The following ADTRP variants were observed in gnomAD, a reference collection of about 807,000 sequenced individuals.
The protein encoded by ADTRP is androgen-dependent TFPI-regulating protein.
In ADTRP, 20 loss-of-function variants were observed where a neutral mutation model predicts 27.0. That is an observed-to-expected ratio of 0.74 (90% CI 0.52 to 1.08). ADTRP has a LOEUF of 1.08. ADTRP is among the 50% of genes least tolerant of loss of function. The pLI, the probability that ADTRP is intolerant of heterozygous loss-of-function variation, is 0.00. For missense variants in ADTRP, 251 were observed against 275.0 expected (o/e 0.91, Z 0.62); for synonymous variants, 101 against 105.2 (o/e 0.96, Z 0.25).
intron 1 of ADTRP, among the ~76,000 whole-genome samples, chr6:11,771,042 C>A (rs907185663): frequency 6.6e-6 from 1 of 152,242 alleles, no homozygotes; most frequent in Non-Finnish European, 1.5e-5. Context: ...TTCCTAGAGT[C>A]ATCGTGAGTC....
chr6:11,741,634 A>G lies in ADTRP; in HGVS notation c.391-5951T>C, dbSNP rs188946653. On this transcript the variant is annotated intron_variant, in intron 3 of 5. Coordinates refer to ENST00000414691, the MANE Select transcript of ADTRP (RefSeq NM_032744.4). ...GACCAATATCTCAAAGCATCATTCTATTACAAAACTAGTTGGCTTTGAAGG... is the reference window on the plus strand; with the variant it reads ...GACCAATATCTCAAAGCATCATTCTGTTACAAAACTAGTTGGCTTTGAAGG... 2.6e-5 allele frequency among the ~76,000 whole-genome samples: 4 copies of G among 152,190 alleles called. No homozygotes were observed. The East Asian group carries it at 7.7e-4, about 29-fold the overall frequency.
intron 3 of ADTRP, among the ~76,000 whole-genome samples, chr6:11,751,602 C>G (rs1275588268): frequency 6.6e-6 from 1 of 152,112 alleles, no homozygotes; most frequent in East Asian, 1.9e-4. Flanking sequence ...AGCATTTTAG[C>G]TCATTTTGGG....
chr6:11,760,040 A>G (rs955266389), intron 3 of ADTRP, among the ~76,000 whole-genome samples: 3 of 152,226 alleles, frequency 2.0e-5, no homozygotes, highest in Non-Finnish European at 4.4e-5. Flanking sequence ...ATTTCCTCCC[A>G]TACAATCCAT....
At chr6:11,746,723 T>C (rs936847278) in intron 3 of ADTRP, among the ~76,000 whole-genome samples, 5 of 152,212 alleles carry the variant, frequency 3.3e-5, no homozygotes, top group Non-Finnish European at 7.3e-5. Context: ...TATTCAGGCA[T>C]GAGCACCAAA....
chr6:11,731,978 C>T (rs2113893837), intron 4 of ADTRP, among the ~76,000 whole-genome samples: 1 of 152,214 alleles, frequency 6.6e-6, no homozygotes, highest in East Asian at 1.9e-4. Flanking sequence ...TTTTGCTCCT[C>T]ACCACTGCCT....
At chr6:11,762,894 G>A (rs1050379916) in intron 3 of ADTRP, among the ~76,000 whole-genome samples, 1 of 152,204 alleles carries the variant, frequency 6.6e-6, no homozygotes, top group African/African-American at 2.4e-5. Flanking sequence ...CTCAGTTACT[G>A]AGAGTCCTCT....
chr6:11,761,221 C>T (rs1406010770), intron 3 of ADTRP, among the ~76,000 whole-genome samples: 1 of 152,156 alleles, frequency 6.6e-6, no homozygotes, highest in African/African-American at 2.4e-5. Context: ...CCATAATTTC[C>T]CTGTACGCTA....
In ADTRP at chr6:11,778,693, A is replaced by G. The variant is rs373658886; in HGVS notation, c.67T>C (p.Tyr23His). The change falls in exon 1 of 6, where the codon TAC (tyrosine) becomes CAC (histidine). Residue 23 changes from tyrosine (Y) to histidine (H), a missense_variant. Physicochemically the swap from Tyr to His is moderately conservative, Grantham distance 83. Coordinates refer to ENST00000414691, the MANE Select transcript of ADTRP (RefSeq NM_032744.4). Reference protein sequence around the residue: ...VLSWYTFLNYYISQEGKDEVK... With the variant: ...VLSWYTFLNYHISQEGKDEVK... Reference sequence around the variant, plus strand: ...TCGTCTTTTCCTTCCTGTGAGATGTAATAATTGAGGAAAGTATACCAGCTC... The same window carrying G: ...TCGTCTTTTCCTTCCTGTGAGATGTGATAATTGAGGAAAGTATACCAGCTC... 5.1e-5 allele frequency: 83 copies of G among 1,614,082 alleles called. No homozygotes were observed. Among genetic ancestry groups the G allele is most frequent in the Admixed American group, 2.2e-4 (13 of 60,008 alleles).
Position 11,778,731 on chromosome 6 carries a change from T to C in ADTRP, c.29A>G (p.His10Arg), listed in dbSNP as rs535612427. 7.4e-6 allele frequency: 12 copies of C among 1,614,134 alleles called. No homozygotes were observed. The East Asian group carries it at 2.2e-4, about 30-fold the overall frequency. Residue 10 changes from histidine to arginine, a missense_variant, in exon 1 of 6, where the codon CAC becomes CGC. Physicochemically the swap from His to Arg is conservative, Grantham distance 29 (BLOSUM62 0). Coordinates refer to ENST00000414691, the MANE Select transcript of ADTRP (RefSeq NM_032744.4). The part of the protein sequence containing the change: MTKTSTCIY[H>R]FLVLSWYTFL... ...AGTATACCAGCTCAGAACAAGGAAG[T>C]GGTATATGCATGTAGAAGTCTTCGT...
At chr6:11,721,394 C>T (rs1762021506) in intron 5 of ADTRP, among the ~76,000 whole-genome samples, 2 of 152,118 alleles carry the variant, frequency 1.3e-5, no homozygotes, top group South Asian at 4.1e-4. Context: ...TTGGGGGAAG[C>T]CTTAGAAAGT....
chr6:11,772,569 G>A (rs1322955980), intron 1 of ADTRP, among the ~76,000 whole-genome samples: 1 of 152,200 alleles, frequency 6.6e-6, no homozygotes, highest in African/African-American at 2.4e-5. Context: ...GACATTACAA[G>A]TCTTATTGGA....
intron 3 of ADTRP, among the ~76,000 whole-genome samples, chr6:11,755,859 C>T (rs1284448070): frequency 6.6e-6 from 1 of 152,176 alleles, no homozygotes; most frequent in Non-Finnish European, 1.5e-5. Context: ...TATTTCTGCT[C>T]GGGAGCTTTG....
chr6:11,722,798 C>G (rs191156460), intron 5 of ADTRP, among the ~76,000 whole-genome samples: 1 of 152,200 alleles, frequency 6.6e-6, no homozygotes, highest in Admixed American at 6.5e-5. Context: ...GCTGAAGACT[C>G]TGTCTGAATG....
At chr6:11,764,871 G>A (rs1763506650) in intron 3 of ADTRP, among the ~76,000 whole-genome samples, 1 of 136,628 alleles carries the variant, frequency 7.3e-6, no homozygotes. Flanking sequence ...AACATGCTTT[G>A]GACAATATAA....
At chr6:11,757,053 C>T (rs1371395132) in intron 3 of ADTRP, among the ~76,000 whole-genome samples, 1 of 152,176 alleles carries the variant, frequency 6.6e-6, no homozygotes, top group South Asian at 2.1e-4. Context: ...ATTAACAGAA[C>T]CAAAATGGGC....
chr6:11,765,441 C>A (rs572633529), intron 3 of ADTRP, among the ~76,000 whole-genome samples: 3 of 150,322 alleles, frequency 2.0e-5, no homozygotes, highest in African/African-American at 7.3e-5. Context: ...GATTCTCCTG[C>A]CTCAGCCTCC....
At chr6:11,765,278 TGAG>T (rs1004066253) in intron 3 of ADTRP, among the ~76,000 whole-genome samples, 15 of 151,290 alleles carry the variant, frequency 9.9e-5, no homozygotes, top group African/African-American at 3.6e-4. Context: ...AGTGAACTTT[TGAG>T]GAGTCTTGAC....
rs576075644 is a variant in ADTRP at position 11,742,492 on chromosome 6, C to T, written c.391-6809G>A. On this transcript the variant is annotated intron_variant, in intron 3 of 5. Coordinates refer to ENST00000414691, the MANE Select transcript of ADTRP (RefSeq NM_032744.4). ...TTACTGGGCTTCTATTGTTGAGATT[C>T]AAGTTTAGCAATATGTTCCCAGACA... Among the ~76,000 whole-genome samples, 7 of 152,266 alleles carry T rather than the reference C, an allele frequency of 4.6e-5. No individual in the cohort carries two copies. The East Asian group carries it at 1.3e-3, about 29-fold the overall frequency.
intron 3 of ADTRP, among the ~76,000 whole-genome samples, chr6:11,745,462 T>G (rs1445867034): frequency 6.6e-6 from 1 of 152,206 alleles, no homozygotes. Flanking sequence ...TAGGACTAGG[T>G]GAGTCCTAAA....
Sources: allele counts gnomAD v4.1 joint callset (sites outside exome capture counted in the v4.1 genomes callset), GRCh38; gene constraint gnomAD v4.1.1; transcripts MANE v1.5; gene names NCBI Gene and HGNC (gene_info 2026-07-23, HGNC 2026-07-21).